APBA2: variants seen among roughly 807,000 people sequenced by gnomAD.
APBA2 encodes amyloid-beta A4 precursor protein-binding family A member 2.
In APBA2, 30 loss-of-function variants were observed where a neutral mutation model predicts 75.0. That is an observed-to-expected ratio of 0.40 (90% confidence interval 0.30 to 0.54). The LOEUF is 0.54. APBA2 is among the 20% of genes least tolerant of loss of function. The probability of loss-of-function intolerance (pLI) is 0.49; values close to 1 mark genes in which losing one functional copy is unlikely to be tolerated. For missense variants in APBA2, 801 were observed against 1,016.1 expected, an observed-to-expected ratio of 0.79 and a Z score of 2.88; for synonymous variants, 444 against 409.6, an observed-to-expected ratio of 1.08 and a Z score of -1.01.
chr15:29,117,198 G>GA lies in APBA2; in HGVS notation c.*66dup. On this transcript the variant is annotated 3_prime_UTR_variant, in exon 15 of 15. Coordinates refer to ENST00000683413, the MANE Select transcript of APBA2 (RefSeq NM_001353788.2). Reference sequence around the variant, plus strand: ...GGCCGCCCGGGCCCAGAGGAGCTGGGAGCCGGGCCGCAGACTTGACCCCGA... The same window carrying GA: ...GGCCGCCCGGGCCCAGAGGAGCTGGGAAGCCGGGCCGCAGACTTGACCCCGA... The GA allele has an allele frequency of 6.6e-7, 1 of 1,522,506 alleles. No homozygotes were observed. The highest frequency in any genetic ancestry group is 9.1e-7 in the Non-Finnish European group (1 of 1,099,698). 94.3% of individuals were successfully genotyped at this position (1,522,506 alleles called of 1,614,324 possible).
chr15:29,107,575 C>G (rs2044491443), intron 12 of APBA2, among the ~76,000 whole-genome samples: 1 of 152,162 alleles, frequency 6.6e-6, no homozygotes, highest in Non-Finnish European at 1.5e-5. Context: ...TAGACTGGCT[C>G]TCGGAGCTGG....
rs574613897 is a variant in APBA2, at chr15:29,032,886, G to A, written c.-40-20959G>A. 8.4e-4 allele frequency among the ~76,000 whole-genome samples: 128 copies of A among 152,240 alleles called. 2 individuals carry two copies. The highest frequency in any genetic ancestry group is 2.8e-4 in the Non-Finnish European group (19 of 68,042). On this transcript the variant is annotated intron_variant, in intron 3 of 14. Coordinates refer to ENST00000683413, the MANE Select transcript of APBA2 (RefSeq NM_001353788.2). ...CCCCTGCTGTGGAAATCACACAGAAGGCGGACAGTACATGTGGACAGGTCA... is the reference window on the plus strand; with the variant it reads ...CCCCTGCTGTGGAAATCACACAGAAAGCGGACAGTACATGTGGACAGGTCA...
chr15:29,003,397 C>T (rs2038952065), intron 3 of APBA2, among the ~76,000 whole-genome samples: 3 of 152,202 alleles, frequency 2.0e-5, no homozygotes, highest in South Asian at 4.1e-4. Context: ...AATGTTTTTC[C>T]ACCATGAGGG....
chr15:28,982,612 C>T (rs1164663408), intron 2 of APBA2, among the ~76,000 whole-genome samples: 2 of 152,164 alleles, frequency 1.3e-5, no homozygotes, highest in African/African-American at 2.4e-5. Context: ...GATTTATATT[C>T]GATTGTCAGA....
At chr15:29,014,116 G>A (rs778779291) in intron 3 of APBA2, among the ~76,000 whole-genome samples, 29 of 152,198 alleles carry the variant, frequency 1.9e-4, no homozygotes, top group Non-Finnish European at 2.8e-4. Flanking sequence ...GATCATTGGA[G>A]AATCCCCACA....
At chr15:29,044,996 G>A (rs139985270) in intron 3 of APBA2, among the ~76,000 whole-genome samples, 1 of 151,974 alleles carries the variant, frequency 6.6e-6, no homozygotes, top group African/African-American at 2.4e-5. Flanking sequence ...GGTGAAAGGG[G>A]CAAGGCAGCT....
intron 3 of APBA2, among the ~76,000 whole-genome samples, chr15:29,039,267 G>A (rs67406205): frequency 0.14 from 21,772 of 151,356 alleles, 1,762 homozygotes; most frequent in East Asian, 0.25. Flanking sequence ...AAAGAAGGTC[G>A]TATCTTATTA....
chr15:29,117,118 C>T lies in APBA2; in HGVS notation c.2235C>T (p.Thr745=), dbSNP rs776931717. ...TCAGGCTCCTCACGGGTCAGGAGAC[C>T]CCGCTGTACATCTAGGCCACCCCAG... ...AMFRLLTGQE[T]PLYI The change falls in exon 15 of 15, where the codon ACC becomes ACT. Residue 745 remains threonine, a synonymous_variant. Transcript: ENST00000683413. 1.2e-6 allele frequency: 2 copies of T among 1,613,206 alleles called. No homozygotes were observed. The highest frequency in any genetic ancestry group is 2.2e-5 in the East Asian group (1 of 44,812).
chr15:29,042,120 A>T (rs55832734), intron 3 of APBA2, among the ~76,000 whole-genome samples: 4,401 of 152,180 alleles, frequency 0.029, 224 homozygotes, highest in African/African-American at 0.1. Flanking sequence ...GCGATCTTTG[A>T]TGTTCCCTAG....
chr15:29,071,909 C>T (rs867483245), intron 4 of APBA2, among the ~76,000 whole-genome samples: 3 of 152,030 alleles, frequency 2.0e-5, no homozygotes, highest in Non-Finnish European at 2.9e-5. Context: ...CTATGGCCTC[C>T]GTACTGGGGA....
At chr15:29,053,772 G>T (rs1218205494) in intron 3 of APBA2, 73 bp from the exon 4 acceptor site, 2 of 915,168 alleles carry the variant, frequency 2.2e-6, no homozygotes, top group African/African-American at 1.7e-5. Context: ...GAGGTGCTGT[G>T]GTGAAGTGGC....
chr15:28,928,091 C>G (rs1438629138), intron 2 of APBA2, among the ~76,000 whole-genome samples: 1 of 149,740 alleles, frequency 6.7e-6, no homozygotes, highest in African/African-American at 2.5e-5. Flanking sequence ...TTGCAGTGAG[C>G]CGAGATCACT....
intron 3 of APBA2, among the ~76,000 whole-genome samples, chr15:29,037,093 A>G (rs1009437978): frequency 1.3e-5 from 2 of 152,096 alleles, no homozygotes; most frequent in African/African-American, 4.8e-5. Flanking sequence ...AATAAAAGTT[A>G]AATTGTTTAA....
intron 2 of APBA2, among the ~76,000 whole-genome samples, chr15:28,986,227 G>C (rs532555858): frequency 6.6e-6 from 1 of 152,154 alleles, no homozygotes; most frequent in South Asian, 2.1e-4. Flanking sequence ...CCCACTCTGC[G>C]TCCTTGCTTG....
intron 2 of APBA2, among the ~76,000 whole-genome samples, chr15:28,929,616 C>A (rs1467722359): frequency 6.6e-6 from 1 of 152,198 alleles, no homozygotes; most frequent in Non-Finnish European, 1.5e-5. Context: ...TCTGTGGTCA[C>A]TTCCGCGTTG....
intron 1 of APBA2, among the ~76,000 whole-genome samples, chr15:28,917,939 C>CT (rs2033762102): frequency 1.3e-5 from 2 of 152,184 alleles, no homozygotes; most frequent in South Asian, 4.1e-4. Flanking sequence ...CATTCTGCTC[C>CT]TTTCTGGTCT....
intron 3 of APBA2, among the ~76,000 whole-genome samples, chr15:29,012,103 A>G (rs923528): frequency 0.33 from 49,703 of 152,142 alleles, 13,413 homozygotes; most frequent in African/African-American, 0.71. Flanking sequence ...TACATTTGTT[A>G]CAATTAATGA....
intron 6 of APBA2, among the ~76,000 whole-genome samples, chr15:29,082,410 A>G (rs1397791522): frequency 6.6e-6 from 1 of 152,198 alleles, no homozygotes; most frequent in Non-Finnish European, 1.5e-5. Context: ...GTCTTAGCAG[A>G]TTACTAGTAT....
chr15:29,069,725 G>A (rs910009352), intron 4 of APBA2, among the ~76,000 whole-genome samples: 1 of 152,186 alleles, frequency 6.6e-6, no homozygotes, highest in Non-Finnish European at 1.5e-5. Context: ...TGCATGCATC[G>A]TCCTGTCCTT....
Sources: allele counts gnomAD v4.1 joint callset (sites outside exome capture counted in the v4.1 genomes callset), GRCh38; gene constraint gnomAD v4.1.1; transcripts MANE v1.5; gene names NCBI Gene and HGNC (gene_info 2026-07-23, HGNC 2026-07-21).